EPB41L2: variants seen among roughly 807,000 people sequenced by gnomAD.
EPB41L2 encodes the protein band 4.1-like protein 2.
A neutral mutation model predicts 113.0 loss-of-function variants in EPB41L2; 43 were observed. The ratio of observed to expected loss-of-function variants is 0.38; its 90% CI spans 0.30 to 0.49. EPB41L2 has a LOEUF of 0.49. Ranked by LOEUF, EPB41L2 falls within the 20% of genes least tolerant of loss-of-function variation. The pLI is 0.95. For missense variants in EPB41L2, 1,147 were observed against 1,223.4 expected (o/e 0.94, Z 0.93); for synonymous variants, 442 against 436.7 (o/e 1.01, Z -0.15).
chr6:130,866,422 T>C (rs1422060296), intron 16 of EPB41L2, among the ~76,000 whole-genome samples: 2 of 152,216 alleles, frequency 1.3e-5, no homozygotes, highest in Admixed American at 1.3e-4. Flanking sequence ...GTCCAGAGCC[T>C]TTCTGACTGT....
At chr6:131,018,761 G>A (rs1788801983) in intron 1 of EPB41L2, among the ~76,000 whole-genome samples, 1 of 152,116 alleles carries the variant, frequency 6.6e-6, no homozygotes, top group South Asian at 2.1e-4. Flanking sequence ...AGACCAATCA[G>A]TGGATGTTTA....
chr6:130,987,792 CAG>C (rs1233300940), intron 1 of EPB41L2, among the ~76,000 whole-genome samples: 1 of 151,906 alleles, frequency 6.6e-6, no homozygotes, highest in Non-Finnish European at 1.5e-5. Flanking sequence ...TCAGTAGAAA[CAG>C]GGAGAATGCA....
At chr6:130,956,715 T>A (rs893194146) in intron 1 of EPB41L2, among the ~76,000 whole-genome samples, 17 of 152,192 alleles carry the variant, frequency 1.1e-4, no homozygotes, top group African/African-American at 3.9e-4. Flanking sequence ...AAAACTAGCA[T>A]CACAATAGAA....
intron 5 of EPB41L2, among the ~76,000 whole-genome samples, chr6:130,907,855 G>C (rs1798184738): frequency 6.6e-6 from 1 of 151,556 alleles, no homozygotes; most frequent in Non-Finnish European, 1.5e-5. Flanking sequence ...AAGTAAGTAA[G>C]GAAATGAAAT....
chr6:131,010,280 A>G (rs1352889026), intron 1 of EPB41L2, among the ~76,000 whole-genome samples: 2 of 152,194 alleles, frequency 1.3e-5, no homozygotes, highest in African/African-American at 4.8e-5. Context: ...CTGCCCAAAG[A>G]CAGAGTAAGA....
At chr6:130,969,018 A>G (rs1776066649) in intron 1 of EPB41L2, among the ~76,000 whole-genome samples, 2 of 152,162 alleles carry the variant, frequency 1.3e-5, no homozygotes, top group Non-Finnish European at 2.9e-5. Flanking sequence ...TACCTTTCCA[A>G]TGTAACTTTC....
intron 12 of EPB41L2, among the ~76,000 whole-genome samples, chr6:130,884,265 G>T (rs1289461409): frequency 6.6e-6 from 1 of 152,136 alleles, no homozygotes; most frequent in Non-Finnish European, 1.5e-5. Flanking sequence ...AACCTGGGAG[G>T]CAGAGGCTGC....
chr6:130,885,022 A>G, intron 12 of EPB41L2, 74 bp downstream of exon 12: 1 of 1,521,212 alleles, frequency 6.6e-7, no homozygotes, highest in African/African-American at 1.4e-5. Context: ...TTGATTTCTG[A>G]AACAGAAAAT....
At chr6:130,958,059 G>A (rs895608104) in intron 1 of EPB41L2, among the ~76,000 whole-genome samples, 1 of 152,192 alleles carries the variant, frequency 6.6e-6, no homozygotes, top group Non-Finnish European at 1.5e-5. Flanking sequence ...CTACGATGTG[G>A]TAAGTTCATG....
Position 131,039,802 on chromosome 6 carries a change from C to A in EPB41L2, c.-15+23353G>T, listed in dbSNP as rs575214159. Among the ~76,000 whole-genome samples, 13 of 151,670 alleles carry A rather than the reference C, an allele frequency of 8.6e-5. No individual in the cohort carries two copies. In the South Asian group the frequency reaches 1.5e-3, roughly 17 times the overall value. ...ACTGAAACACTGAATATATAAAAAT[C>A]CTTAAGTCAAAAATGATACTCAAAA... On this transcript the variant is annotated intron_variant, in intron 1 of 19. Coordinates refer to ENST00000337057, the MANE Select transcript of EPB41L2 (RefSeq NM_001431.4).
At chr6:131,042,220 C>T (rs1440095380) in intron 1 of EPB41L2, among the ~76,000 whole-genome samples, 1 of 152,134 alleles carries the variant, frequency 6.6e-6, no homozygotes, top group African/African-American at 2.4e-5. Context: ...CCCCTAATCC[C>T]AGCATCTTCA....
chr6:130,983,761 T>TGA (rs1779906151), intron 1 of EPB41L2, among the ~76,000 whole-genome samples: 1 of 152,028 alleles, frequency 6.6e-6, no homozygotes, highest in East Asian at 1.9e-4. Context: ...GCTCCTGGGT[T>TGA]CAAGCAATCC....
In EPB41L2 at chr6:130,865,559, T is replaced by C. The variant is rs760962588; in HGVS notation, c.2806A>G (p.Thr936Ala). 3.7e-6 allele frequency: 6 copies of C among 1,614,170 alleles called. 1 individual carries two copies. In the Middle Eastern group the frequency reaches 9.9e-4, roughly 266 times the overall value. The change falls in exon 17 of 20, where the codon ACG (threonine) becomes GCG (alanine). Residue 936 changes from threonine to alanine, a missense_variant. Coordinates refer to ENST00000337057, the MANE Select transcript of EPB41L2 (RefSeq NM_001431.4). ...ACCTTGGTGATGTGTGTGGTTGTCG[T>C]TGTTGACACGGACTCAGATGTGATG... ...QTITSESVST[T>A]TTTHITKTVK...
At chr6:131,062,866 A>C (rs1267296953) in intron 1 of EPB41L2, among the ~76,000 whole-genome samples, 2 of 151,728 alleles carry the variant, frequency 1.3e-5, no homozygotes, top group African/African-American at 4.8e-5. Context: ...GACCGCGGGG[A>C]GCAGCGAAGC....
chr6:130,945,091 G>C (rs572307291), intron 3 of EPB41L2, among the ~76,000 whole-genome samples: 104 of 152,206 alleles, frequency 6.8e-4, no homozygotes, highest in Middle Eastern at 3.4e-3. Context: ...ATTATTCCTA[G>C]TTCCCAAAAT....
At chr6:131,062,979 G>A (rs1268091388) in intron 1 of EPB41L2, among the ~76,000 whole-genome samples, 176 bp downstream of exon 1, 1 of 152,064 alleles carries the variant, frequency 6.6e-6, no homozygotes, top group Non-Finnish European at 1.5e-5. Flanking sequence ...AAATCCCAAA[G>A]CCGGGCCCCC....
At chr6:131,000,514 G>A (rs1227248147) in intron 1 of EPB41L2, 1 of 152,158 alleles carries the variant, frequency 6.6e-6, no homozygotes, top group Non-Finnish European at 1.5e-5. Context: ...GGCACCCTAT[G>A]AAACAAAATT....
In EPB41L2 at chr6:130,878,177, T is replaced by A; in HGVS notation, c.1970A>T (p.Glu657Val). ...SISELKRNFMESTPEPRPNEW... is the reference protein window; with the variant it reads ...SISELKRNFMVSTPEPRPNEW... ...ATTAGGGCGCGGCTCAGGTGTGGAT[T>A]CCATAAAATTGCGCTTGAGTTCACT... Residue 657 changes from glutamate to valine, a missense_variant, in exon 14 of 20, where the codon GAA becomes GTA. By Grantham distance (121) the Glu-to-Val change is moderately radical (BLOSUM62 -2). Coordinates refer to ENST00000337057, the MANE Select transcript of EPB41L2 (RefSeq NM_001431.4). The A allele has an allele frequency of 6.2e-7, 1 of 1,613,566 alleles. No individual in the cohort carries two copies. The highest frequency in any genetic ancestry group is 8.5e-7 in the Non-Finnish European group (1 of 1,179,856).
intron 18 of EPB41L2, 82 bp from the exon 19 acceptor site, chr6:130,858,325 A>C (rs1582736470): frequency 9.4e-7 from 1 of 1,066,526 alleles, no homozygotes; most frequent in Non-Finnish European, 1.4e-6. Context: ...CACACTGATC[A>C]CCTCGGACCC....
Sources: gnomAD v4.1 joint callset for allele counts (sites outside exome capture counted in the v4.1 genomes callset) on GRCh38, gnomAD v4.1.1 for gene constraint, MANE v1.5 for transcripts, NCBI Gene and HGNC (gene_info 2026-07-23, HGNC 2026-07-21) for gene names.